Variants in SENP7 observed in about 807,000 individuals in gnomAD.
SENP7 encodes sentrin-specific protease 7.
In SENP7, 64 loss-of-function variants were observed where a neutral mutation model predicts 141.2. That is an observed-to-expected ratio of 0.45 (90% CI 0.37 to 0.56). SENP7 has a LOEUF of 0.56. Among genes scored for constraint, SENP7 ranks in the 20% least tolerant of loss-of-function variants. SENP7 has a pLI of 0.00. For missense variants in SENP7, 1,025 were observed against 1,212.2 expected, an observed-to-expected ratio of 0.85 and a Z score of 2.29; for synonymous variants, 382 against 426.4, an observed-to-expected ratio of 0.90 and a Z score of 1.28.
At chr3:101,407,383 C>T (rs955401110) in intron 5 of SENP7, among the ~76,000 whole-genome samples, 1 of 152,146 alleles carries the variant, frequency 6.6e-6, no homozygotes, top group African/African-American at 2.4e-5. Context: ...GCCATCAAGA[C>T]AGAAAGTCAA....
chr3:101,486,306 A>G (rs1482770681), intron 3 of SENP7, among the ~76,000 whole-genome samples: 1 of 152,170 alleles, frequency 6.6e-6, no homozygotes, highest in African/African-American at 2.4e-5. Context: ...GCACACGGCA[A>G]TCAGGTTACC....
At chr3:101,402,554 G>A (rs9917699) in intron 5 of SENP7, among the ~76,000 whole-genome samples, 19,286 of 143,704 alleles carry the variant, frequency 0.13, 1,810 homozygotes, top group African/African-American at 0.28. Context: ...CCTGGGAGGC[G>A]GAGGTTGCAA....
chr3:101,451,399 C>T (rs2063129021), intron 4 of SENP7, among the ~76,000 whole-genome samples: 1 of 152,100 alleles, frequency 6.6e-6, no homozygotes, highest in Non-Finnish European at 1.5e-5. Context: ...CAAAGCCTGG[C>T]AGAGACAACA....
chr3:101,510,177 CCAGA>C (rs1451293654), intron 1 of SENP7, among the ~76,000 whole-genome samples: 4 of 152,158 alleles, frequency 2.6e-5, no homozygotes, highest in East Asian at 1.9e-4. Flanking sequence ...TCCCTTGCTC[CCAGA>C]CACTTTATCA....
At chr3:101,492,193 CAA>C (rs1380985925) in intron 3 of SENP7, among the ~76,000 whole-genome samples, 3 of 151,730 alleles carry the variant, frequency 2.0e-5, no homozygotes, top group Non-Finnish European at 2.9e-5. Context: ...AGCAACACAG[CAA>C]AACTTTGTCT....
chr3:101,367,688 TA>T (rs2060074352), intron 8 of SENP7, 141 bp downstream of exon 8: 3 of 530,694 alleles, frequency 5.7e-6, no homozygotes, highest in African/African-American at 3.9e-5. Context: ...TGTTTTTTAA[TA>T]ATAAAGCTAA....
At chr3:101,329,215 A>G (rs752937710) in intron 20 of SENP7, among the ~76,000 whole-genome samples, 1 of 152,230 alleles carries the variant, frequency 6.6e-6, no homozygotes, top group Non-Finnish European at 1.5e-5. Context: ...TTATTCTAAC[A>G]TAAACACTGG....
intron 4 of SENP7, among the ~76,000 whole-genome samples, chr3:101,427,325 C>T (rs1242438086): frequency 6.6e-6 from 1 of 151,848 alleles, no homozygotes; most frequent in Non-Finnish European, 1.5e-5. Flanking sequence ...CCTGTCTTTA[C>T]TGAAAATACA....
At chr3:101,468,444 A>G (rs1183553479) in intron 3 of SENP7, among the ~76,000 whole-genome samples, 3 of 152,240 alleles carry the variant, frequency 2.0e-5, no homozygotes, top group Non-Finnish European at 4.4e-5. Context: ...AAAAGTGTTA[A>G]GGGCAGCCAG....
intron 4 of SENP7, chr3:101,458,732 T>A: frequency 2.7e-6 from 1 of 375,418 alleles, no homozygotes; most frequent in East Asian, 4.4e-5. Flanking sequence ...TCTTGCATTA[T>A]CAGCGAAAGC....
At chr3:101,439,758 G>A (rs1442987348) in intron 4 of SENP7, among the ~76,000 whole-genome samples, 13 of 25,222 alleles carry the variant, frequency 5.2e-4, no homozygotes, top group African/African-American at 1.0e-3. Flanking sequence ...CAGCCGCCCC[G>A]TCCGGGAGGG....
chr3:101,488,335 C>T (rs955955905), intron 3 of SENP7, among the ~76,000 whole-genome samples: 1 of 152,054 alleles, frequency 6.6e-6, no homozygotes, highest in African/African-American at 2.4e-5. Flanking sequence ...TGCTAAAGTC[C>T]TTTATCAGTT....
chr3:101,387,524 A>G (rs2060692454), intron 6 of SENP7, among the ~76,000 whole-genome samples: 2 of 152,010 alleles, frequency 1.3e-5, no homozygotes. Context: ...GCACCCACAC[A>G]CATCATTCAG....
intron 5 of SENP7, among the ~76,000 whole-genome samples, chr3:101,411,736 A>G (rs1277218599): frequency 6.6e-6 from 1 of 152,254 alleles, no homozygotes; most frequent in African/African-American, 2.4e-5. Context: ...GGAAGGAAGA[A>G]CTAAAGTTGT....
intron 3 of SENP7, among the ~76,000 whole-genome samples, chr3:101,469,271 C>A (rs1299821641): frequency 2.0e-5 from 3 of 152,066 alleles, no homozygotes; most frequent in Non-Finnish European, 4.4e-5. Flanking sequence ...TAGAGACCTA[C>A]AAAGAGACTT....
At position 101,326,053 on chromosome 3, in the gene SENP7, T is replaced by C. The variant is rs375023958; in HGVS notation, c.3043A>G (p.Ile1015Val). Residue 1015 changes from isoleucine (I) to valine (V), a missense_variant, in exon 24 of 24, where the codon ATT becomes GTT. Coordinates refer to ENST00000394095, the MANE Select transcript of SENP7 (RefSeq NM_020654.5). ...KDPIVNFELPIHLEKWFPRHV... is the reference protein window; with the variant it reads ...KDPIVNFELPVHLEKWFPRHV... The stretch of plus-strand genomic sequence containing the variant: ...CGAGGAAACCACTTCTCCAAATGAA[T>C]TGGAAGTTCAAAGTTAACAATAGGA... 4 of 1,609,020 alleles carry C rather than the reference T, an allele frequency of 2.5e-6. No homozygotes were observed. The highest frequency in any genetic ancestry group is 2.2e-5 in the East Asian group (1 of 44,548).
At chr3:101,385,428 C>A (rs1202063785) in intron 6 of SENP7, among the ~76,000 whole-genome samples, 1 of 152,136 alleles carries the variant, frequency 6.6e-6, no homozygotes, top group East Asian at 1.9e-4. Context: ...CAAGGCCCCA[C>A]ATAGGCAGAG....
At chr3:101,334,282 A>G (rs918207867) in intron 17 of SENP7, among the ~76,000 whole-genome samples, 4 of 152,210 alleles carry the variant, frequency 2.6e-5, no homozygotes, top group African/African-American at 9.7e-5. Flanking sequence ...GGGGAGTTAA[A>G]AGAGAAGGAT....
intron 2 of SENP7, among the ~76,000 whole-genome samples, chr3:101,494,522 C>T (rs2065087686): frequency 6.6e-6 from 1 of 152,034 alleles, no homozygotes; most frequent in East Asian, 1.9e-4. Context: ...TGAAGTACTC[C>T]AGATTCTTGT....
Sources: allele counts gnomAD v4.1 joint callset (sites outside exome capture counted in the v4.1 genomes callset), GRCh38; gene constraint gnomAD v4.1.1; transcripts MANE v1.5; gene names NCBI Gene and HGNC (gene_info 2026-07-23, HGNC 2026-07-21).